Variants in SLC35F1 observed in about 807,000 individuals in gnomAD.
SLC35F1 encodes chromosome 6 open reading frame 169.
Under a neutral mutation model 48.7 loss-of-function variants are expected in SLC35F1, and 14 were observed. That is an observed-to-expected ratio of 0.29 (90% CI 0.19 to 0.45). The LOEUF (loss-of-function observed/expected upper bound fraction) is 0.45, where lower values mean the gene tolerates loss of function less well. Among genes scored for constraint, SLC35F1 ranks in the 20% least tolerant of loss-of-function variants. The probability of loss-of-function intolerance (pLI) is 1.00; values close to 1 mark genes in which losing one functional copy is unlikely to be tolerated. For synonymous variants in SLC35F1, 190 were observed against 202.2 expected (o/e 0.94, Z 0.51); for missense variants, 404 against 500.0 (o/e 0.81, Z 1.83).
chr6:117,937,865 A>G (rs1776179770), intron 1 of SLC35F1, among the ~76,000 whole-genome samples: 2 of 152,056 alleles, frequency 1.3e-5, no homozygotes, highest in African/African-American at 4.8e-5. Context: ...TACACCCTCT[A>G]CTTGTCTTCA....
intron 4 of SLC35F1, among the ~76,000 whole-genome samples, chr6:118,269,045 A>G (rs1052044571): frequency 2.0e-5 from 3 of 152,220 alleles, no homozygotes; most frequent in African/African-American, 7.2e-5. Context: ...ATCATCTTGC[A>G]TTCGATAGTC....
At chr6:118,270,487 A>G (rs1464869882) in intron 4 of SLC35F1, among the ~76,000 whole-genome samples, 1 of 152,156 alleles carries the variant, frequency 6.6e-6, no homozygotes, top group East Asian at 1.9e-4. Flanking sequence ...ATAGAGTGGT[A>G]TATGTGTTGG....
At chr6:118,283,505 G>A (rs754012734) in intron 6 of SLC35F1, among the ~76,000 whole-genome samples, 4 of 152,106 alleles carry the variant, frequency 2.6e-5, no homozygotes, top group Admixed American at 6.5e-5. Context: ...CAAAGTCCAC[G>A]CAAAATGATG....
intron 1 of SLC35F1, among the ~76,000 whole-genome samples, chr6:117,928,404 C>T (rs989638920): frequency 6.6e-6 from 1 of 152,040 alleles, no homozygotes; most frequent in African/African-American, 2.4e-5. Flanking sequence ...TACCTATTTA[C>T]TTAGGGAAGG....
chr6:118,297,525 A>G (rs1046874039), intron 7 of SLC35F1, among the ~76,000 whole-genome samples: 11 of 151,640 alleles, frequency 7.3e-5, no homozygotes, highest in African/African-American at 2.7e-4. Flanking sequence ...AAATGTTCAC[A>G]GGGGTTGCAT....
At chr6:117,980,128 A>G (rs995434727) in intron 1 of SLC35F1, among the ~76,000 whole-genome samples, 1 of 151,968 alleles carries the variant, frequency 6.6e-6, no homozygotes, top group Non-Finnish European at 1.5e-5. Flanking sequence ...AAGATTGCAG[A>G]CTCTGTTTGT....
At chr6:118,029,749 T>C (rs1350766686) in intron 1 of SLC35F1, among the ~76,000 whole-genome samples, 1 of 152,190 alleles carries the variant, frequency 6.6e-6, no homozygotes, top group African/African-American at 2.4e-5. Flanking sequence ...AAAAGTTGAA[T>C]GAAGTTAAAA....
At chr6:118,070,885 C>T (rs894789236) in intron 1 of SLC35F1, among the ~76,000 whole-genome samples, 26 of 85,208 alleles carry the variant, frequency 3.1e-4, no homozygotes, top group African/African-American at 9.8e-4. Context: ...TATATATATA[C>T]ATAGTAAATA....
At chr6:117,974,712 G>A (rs1420639589) in intron 1 of SLC35F1, among the ~76,000 whole-genome samples, 1 of 152,082 alleles carries the variant, frequency 6.6e-6, no homozygotes, top group Non-Finnish European at 1.5e-5. Flanking sequence ...TTAAAATAGA[G>A]GAATTTAAAA....
At position 118,041,621 on chromosome 6, in the gene SLC35F1, A is replaced by T. The variant is rs888573310; in HGVS notation, c.174-112824A>T. ...TACAAAGGAATAAAGCAGGTTTTCT[A>T]ATCAAGAGGGTGGGTTGAAGGTGCA... On this transcript the variant is annotated intron_variant, in intron 1 of 7. Coordinates refer to ENST00000360388, the MANE Select transcript of SLC35F1 (RefSeq NM_001029858.4). 1.1e-4 allele frequency among the ~76,000 whole-genome samples: 17 copies of T among 152,208 alleles called. 1 individual carries two copies. Among genetic ancestry groups the T allele is most frequent in the Admixed American group, 8.5e-4 (13 of 15,256 alleles).
At position 118,061,590 on chromosome 6, in the gene SLC35F1, G is replaced by GTGTATATATA. The variant is rs911818102; in HGVS notation, c.174-92854_174-92853insGTATATATAT. 7.4e-3 allele frequency among the ~76,000 whole-genome samples: 1,073 copies of GTGTATATATA among 144,388 alleles called. 11 individuals are homozygous for GTGTATATATA. The highest frequency in any genetic ancestry group is 0.025 in the Middle Eastern group (7 of 282). 94.7% of individuals were successfully genotyped at this position (144,388 alleles called of 152,430 possible). ...TATACATTTGTGTGTGTGTGTGTGT[G>GTGTATATATA]TATATATATATATATGTTTGGTATC... On this transcript the variant is annotated intron_variant, in intron 1 of 7. Transcript: ENST00000360388.
chr6:117,976,386 A>G (rs903848660), intron 1 of SLC35F1, among the ~76,000 whole-genome samples: 2 of 152,198 alleles, frequency 1.3e-5, no homozygotes, highest in East Asian at 3.9e-4. Context: ...TACAAATTTT[A>G]GGTTGTAAGA....
chr6:118,136,495 A>G (rs2114432975), intron 1 of SLC35F1, among the ~76,000 whole-genome samples: 1 of 152,244 alleles, frequency 6.6e-6, no homozygotes, highest in East Asian at 1.9e-4. Flanking sequence ...CAATTTTATC[A>G]TAGTTGAGTC....
chr6:118,066,777 G>C (rs572088201), intron 1 of SLC35F1, among the ~76,000 whole-genome samples: 4 of 135,748 alleles, frequency 2.9e-5, no homozygotes, highest in African/African-American at 8.3e-5. Flanking sequence ...ACAGAGTCTC[G>C]CTCTGTCACC....
At chr6:118,072,266 A>G (rs1772742919) in intron 1 of SLC35F1, among the ~76,000 whole-genome samples, 4 of 152,282 alleles carry the variant, frequency 2.6e-5, no homozygotes, top group Admixed American at 2.6e-4. Context: ...CTCTGAGCAT[A>G]AAAATTAGAG....
At chr6:118,010,056 T>A (rs1197747657) in intron 1 of SLC35F1, among the ~76,000 whole-genome samples, 2 of 152,196 alleles carry the variant, frequency 1.3e-5, no homozygotes, top group Middle Eastern at 3.2e-3. Flanking sequence ...TATTTAGGAT[T>A]CTTTTAAACG....
intron 1 of SLC35F1, among the ~76,000 whole-genome samples, chr6:118,065,352 T>G (rs533799519): frequency 6.6e-6 from 1 of 152,198 alleles, no homozygotes; most frequent in Non-Finnish European, 1.5e-5. Context: ...ACTTTTTTCC[T>G]CCACTGGTTT....
intron 7 of SLC35F1, among the ~76,000 whole-genome samples, chr6:118,295,802 C>G (rs988294759): frequency 2.6e-5 from 4 of 152,076 alleles, no homozygotes; most frequent in Admixed American, 2.0e-4. Context: ...CCTTTTATGA[C>G]TTTACAATAC....
intron 1 of SLC35F1, among the ~76,000 whole-genome samples, chr6:117,980,574 AG>A (rs914199560): frequency 5.3e-5 from 8 of 152,338 alleles, no homozygotes; most frequent in Non-Finnish European, 1.0e-4. Context: ...GACAATTATT[AG>A]TACCCTATAT....
Sources: gnomAD v4.1 joint callset for allele counts (sites outside exome capture counted in the v4.1 genomes callset) on GRCh38, gnomAD v4.1.1 for gene constraint, MANE v1.5 for transcripts, NCBI Gene and HGNC (gene_info 2026-07-23, HGNC 2026-07-21) for gene names.